Variants in GPCPD1 observed in about 807,000 individuals in gnomAD.
GPCPD1 encodes the protein glycerophosphocholine phosphodiesterase GPCPD1.
GPCPD1 carries 29 observed loss-of-function variants against 89.2 expected under a neutral mutation model. That is an observed-to-expected ratio of 0.33 (90% confidence interval 0.24 to 0.44). The LOEUF (loss-of-function observed/expected upper bound fraction) is 0.44. Among genes scored for constraint, GPCPD1 ranks in the 20% least tolerant of loss-of-function variants. The probability of loss-of-function intolerance (pLI) is 1.00; values close to 1 mark genes in which losing one functional copy is unlikely to be tolerated. For missense variants in GPCPD1, 594 were observed against 808.9 expected (o/e 0.73, Z 3.22); for synonymous variants, 258 against 266.3 (o/e 0.97, Z 0.30).
intron 19 of GPCPD1, 83 bp downstream of exon 19, chr20:5,557,862 C>A: frequency 1.3e-6 from 1 of 775,336 alleles, no homozygotes; most frequent in South Asian, 2.0e-5. Flanking sequence ...TTTAACTTAA[C>A]TAAGTTTAAT....
chr20:5,604,610 G>GC (rs1158749813), intron 1 of GPCPD1, among the ~76,000 whole-genome samples, 170 bp from the exon 2 acceptor site: 2 of 50,736 alleles, frequency 3.9e-5, no homozygotes, highest in African/African-American at 1.7e-4. Flanking sequence ...TAACTTTAGT[G>GC]CGGGGGGGGG....
At chr20:5,575,623 A>G in intron 9 of GPCPD1, 78 bp from the exon 10 acceptor site, 3 of 1,006,330 alleles carry the variant, frequency 3.0e-6, no homozygotes, top group Non-Finnish European at 4.5e-6. Context: ...ATATTTAAAT[A>G]CCACTCAAGT....
chr20:5,584,740 T>G (rs1978795945), intron 5 of GPCPD1: 2 of 153,864 alleles, frequency 1.3e-5, no homozygotes, highest in African/African-American at 4.8e-5. Context: ...TTGTCTCAAA[T>G]GTAATTCTCC....
chr20:5,567,619 A>G (rs1269802248), intron 12 of GPCPD1, 59 bp from the exon 13 acceptor site: 3 of 1,436,580 alleles, frequency 2.1e-6, no homozygotes, highest in Non-Finnish European at 2.8e-6. Context: ...TTAAGAGAAA[A>G]GTAAGCCCTA....
intron 14 of GPCPD1, among the ~76,000 whole-genome samples, chr20:5,565,740 G>A (rs1407837481): frequency 6.6e-6 from 1 of 152,114 alleles, no homozygotes; most frequent in African/African-American, 2.4e-5. Flanking sequence ...AGAGAATTAA[G>A]AGTTGTGTGA....
intron 19 of GPCPD1, chr20:5,548,921 C>A: frequency 9.6e-7 from 1 of 1,037,846 alleles, no homozygotes; most frequent in Non-Finnish European, 1.4e-6. Context: ...GTTGCTAACC[C>A]AGAACACTAT....
intron 11 of GPCPD1, among the ~76,000 whole-genome samples, chr20:5,573,297 G>A (rs113072366): frequency 0.012 from 1,830 of 152,182 alleles, 29 homozygotes; most frequent in African/African-American, 0.042. Context: ...TGTTGGCCAG[G>A]CTGGTCTTGA....
chr20:5,572,192 C>G (rs1986764392), intron 11 of GPCPD1, among the ~76,000 whole-genome samples: 1 of 152,126 alleles, frequency 6.6e-6, no homozygotes, highest in Non-Finnish European at 1.5e-5. Flanking sequence ...GCACTCCAGC[C>G]TGGGTGACGA....
At chr20:5,565,618 C>T (rs1006258213) in intron 14 of GPCPD1, among the ~76,000 whole-genome samples, 2 of 152,042 alleles carry the variant, frequency 1.3e-5, no homozygotes, top group South Asian at 4.1e-4. Flanking sequence ...CAGTTTGCAA[C>T]GATTAATAGA....
intron 2 of GPCPD1, among the ~76,000 whole-genome samples, chr20:5,603,058 C>T (rs1337903336): frequency 2.0e-5 from 3 of 150,682 alleles, no homozygotes; most frequent in Non-Finnish European, 4.4e-5. Context: ...TTTGGGAGGC[C>T]GAGAGGCAGG....
intron 16 of GPCPD1, 33 bp from the exon 17 acceptor site, chr20:5,560,109 GCA>G: frequency 1.4e-6 from 2 of 1,474,076 alleles, no homozygotes; most frequent in Non-Finnish European, 1.8e-6. Flanking sequence ...AAAAGTCACT[GCA>G]CATCCTAAAA....
At chr20:5,573,891 TA>T (rs1325360935) in intron 11 of GPCPD1, 23 bp downstream of exon 11, 1 of 1,250,872 alleles carries the variant, frequency 8.0e-7, no homozygotes, top group Admixed American at 1.7e-5. Context: ...CTCAGCAGTC[TA>T]AAGTTGTTTA....
chr20:5,592,787 A>G (rs1979422263), intron 4 of GPCPD1, among the ~76,000 whole-genome samples: 1 of 152,226 alleles, frequency 6.6e-6, no homozygotes, highest in Non-Finnish European at 1.5e-5. Flanking sequence ...AATTGTGAAC[A>G]GGCAAATTTA....
intron 11 of GPCPD1, 64 bp downstream of exon 11, chr20:5,573,851 G>C (rs1370188768): frequency 1.2e-6 from 1 of 866,832 alleles, no homozygotes; most frequent in African/African-American, 1.7e-5. Flanking sequence ...ATAAAAACTG[G>C]AGGAGACTCC....
intron 15 of GPCPD1, among the ~76,000 whole-genome samples, chr20:5,562,339 G>C (rs1986134935): frequency 6.6e-6 from 1 of 152,204 alleles, no homozygotes; most frequent in Non-Finnish European, 1.5e-5. Flanking sequence ...CTGGAGCACA[G>C]TGGCACAATC....
chr20:5,587,058 G>A (rs1301495980), intron 4 of GPCPD1, among the ~76,000 whole-genome samples: 1 of 152,082 alleles, frequency 6.6e-6, no homozygotes, highest in Non-Finnish European at 1.5e-5. Context: ...TAACATATGC[G>A]GTAGTGAGTA....
In GPCPD1 at chr20:5,567,468, T is replaced by A. The variant is rs1986451069; in HGVS notation, c.1227+15A>T. ...AAGCTAAGGGATAATTTACATTTCA[T>A]GTTATTATTACTACCTTTAACAACT... On this transcript the variant is annotated intron_variant, in intron 13 of 19. Coordinates refer to ENST00000379019, the MANE Select transcript of GPCPD1 (RefSeq NM_019593.5). 2 of 1,556,978 alleles carry A rather than the reference T, an allele frequency of 1.3e-6. No individual in the cohort carries two copies. Among genetic ancestry groups the A allele is most frequent in the African/African-American group, 1.4e-5 (1 of 71,662 alleles).
intron 15 of GPCPD1, among the ~76,000 whole-genome samples, chr20:5,561,817 C>A (rs1055249254): frequency 1.8e-4 from 27 of 152,300 alleles, no homozygotes; most frequent in African/African-American, 6.3e-4. Flanking sequence ...AAATCCTTTT[C>A]GCCATTACTA....
intron 19 of GPCPD1, among the ~76,000 whole-genome samples, chr20:5,556,817 C>A (rs573242148): frequency 6.6e-6 from 1 of 152,226 alleles, no homozygotes; most frequent in Admixed American, 6.5e-5. Context: ...GGCAAACAGC[C>A]TTGCCCTCCT....
Sources: gnomAD v4.1 joint callset for allele counts (sites outside exome capture counted in the v4.1 genomes callset) on GRCh38, gnomAD v4.1.1 for gene constraint, MANE v1.5 for transcripts, NCBI Gene and HGNC (gene_info 2026-07-23, HGNC 2026-07-21) for gene names.